Variants in BNC2 observed in about 807,000 individuals in gnomAD.
BNC2 encodes zinc finger protein basonuclin-2.
In BNC2, 20 loss-of-function variants were observed where a neutral mutation model predicts 76.3. The observed-to-expected ratio is 0.26, with a 90% CI of 0.18 to 0.38. The LOEUF is 0.38. Ranked by LOEUF, BNC2 falls within the 10% of genes least tolerant of loss-of-function variation. BNC2 has a pLI of 1.00. For synonymous variants in BNC2, 582 were observed against 514.8 expected (o/e 1.13, Z -1.77); for missense variants, 1,382 against 1,399.8 (o/e 0.99, Z 0.20).
chr9:16,780,021 G>C (rs899228667), intron 1 of BNC2, among the ~76,000 whole-genome samples: 2 of 151,736 alleles, frequency 1.3e-5, no homozygotes, highest in African/African-American at 4.8e-5. Flanking sequence ...CGGATCACAA[G>C]GTCAGCAGAT....
intron 3 of BNC2, among the ~76,000 whole-genome samples, chr9:16,605,745 T>C (rs1820364920): frequency 6.6e-6 from 1 of 151,750 alleles, no homozygotes. Context: ...TGTGATATAA[T>C]TAGTGATAAC....
chr9:16,859,646 C>G (rs1819347202), intron 1 of BNC2, among the ~76,000 whole-genome samples: 1 of 152,288 alleles, frequency 6.6e-6, no homozygotes, highest in Non-Finnish European at 1.5e-5. Flanking sequence ...TATGAGGCAT[C>G]TAAAGTAGGC....
rs1195936897 is a variant in BNC2, at chr9:16,707,246, A to G, written c.330+20551T>C. On this transcript the variant is annotated intron_variant, in intron 3 of 6. Coordinates refer to ENST00000380672, the MANE Select transcript of BNC2 (RefSeq NM_017637.6). ...AGCAATAGACATTTGATTTTTTTCA[A>G]GTAATCTGATTTATTATCAATGTGC... 9.9e-5 allele frequency among the ~76,000 whole-genome samples: 15 copies of G among 151,446 alleles called. No homozygotes were observed. In the South Asian group the frequency reaches 1.7e-3, roughly 17 times the overall value.
chr9:16,752,129 T>C (rs1232555243), intron 1 of BNC2, among the ~76,000 whole-genome samples: 6 of 152,214 alleles, frequency 3.9e-5, no homozygotes. Context: ...TTTAAGAAAT[T>C]ACGTCTTTTA....
intron 5 of BNC2, among the ~76,000 whole-genome samples, chr9:16,502,082 T>TG (rs945150335): frequency 3.3e-5 from 5 of 151,666 alleles, no homozygotes; most frequent in African/African-American, 1.2e-4. Flanking sequence ...ATGGAAGGAG[T>TG]GGGGGTCTAG....
chr9:16,683,784 A>G (rs1165195828), intron 3 of BNC2, among the ~76,000 whole-genome samples: 1 of 152,224 alleles, frequency 6.6e-6, no homozygotes, highest in East Asian at 1.9e-4. Flanking sequence ...AAGGCAGAAG[A>G]AAAAGAAGAG....
At chr9:16,638,084 T>A (rs2133819194) in intron 3 of BNC2, among the ~76,000 whole-genome samples, 1 of 152,330 alleles carries the variant, frequency 6.6e-6, no homozygotes, top group East Asian at 1.9e-4. Flanking sequence ...TGCTTCAAGC[T>A]AAATTTCTGG....
intron 3 of BNC2, among the ~76,000 whole-genome samples, chr9:16,603,626 G>C (rs999854973): frequency 7.9e-5 from 12 of 152,094 alleles, no homozygotes; most frequent in African/African-American, 2.4e-4. Flanking sequence ...CATCCTTTCT[G>C]GTCTAAGATG....
chr9:16,597,679 A>G lies in BNC2; in HGVS notation c.331-14594T>C, dbSNP rs113107478. ...TGGACACAAATAGACATATATTTAG[A>G]TATTTGTTTTACACATGAGAAGGCA... On this transcript the variant is annotated intron_variant, in intron 3 of 6. Transcript: ENST00000380672. Among the ~76,000 whole-genome samples the G allele has an allele frequency of 5.3e-5, 8 of 152,262 alleles. 1 individual carries two copies. The highest frequency in any genetic ancestry group is 1.9e-4 in the African/African-American group (8 of 41,568).
chr9:16,590,426 C>T (rs1475966359), intron 3 of BNC2, among the ~76,000 whole-genome samples: 1 of 151,826 alleles, frequency 6.6e-6, no homozygotes, highest in East Asian at 2.0e-4. Flanking sequence ...TTCTTGACCT[C>T]ATGTGATCCA....
chr9:16,748,089 G>C (rs767724755), intron 1 of BNC2, among the ~76,000 whole-genome samples: 4 of 152,198 alleles, frequency 2.6e-5, no homozygotes, highest in Non-Finnish European at 4.4e-5. Flanking sequence ...ATGCAGAACA[G>C]TAAATACTGT....
intron 3 of BNC2, among the ~76,000 whole-genome samples, chr9:16,651,334 C>T (rs528139893): frequency 2.0e-5 from 3 of 152,308 alleles, no homozygotes; most frequent in Non-Finnish European, 4.4e-5. Context: ...ATCATCTTAA[C>T]CTTAGATTTC....
At chr9:16,630,079 G>C (rs1821117874) in intron 3 of BNC2, among the ~76,000 whole-genome samples, 2 of 152,222 alleles carry the variant, frequency 1.3e-5, no homozygotes, top group South Asian at 4.1e-4. Flanking sequence ...TAAAAGAAAT[G>C]CAGTATCTGC....
chr9:16,848,822 T>G (rs1819055003), intron 1 of BNC2, among the ~76,000 whole-genome samples: 3 of 152,306 alleles, frequency 2.0e-5, no homozygotes, highest in South Asian at 2.1e-4. Flanking sequence ...ATGTCCTAAG[T>G]GGAAAATTCC....
intron 3 of BNC2, among the ~76,000 whole-genome samples, chr9:16,697,239 T>G (rs1347826574): frequency 2.0e-5 from 3 of 152,096 alleles, no homozygotes; most frequent in Non-Finnish European, 4.4e-5. Context: ...GTGCCCGTAG[T>G]CCCAGCTACT....
At chr9:16,776,011 G>A (rs1270275310) in intron 1 of BNC2, among the ~76,000 whole-genome samples, 3 of 152,138 alleles carry the variant, frequency 2.0e-5, no homozygotes, top group South Asian at 2.1e-4. Context: ...ACTGAGACCA[G>A]AAGTGGAACC....
At chr9:16,655,663 T>C (rs1435166270) in intron 3 of BNC2, among the ~76,000 whole-genome samples, 2 of 152,218 alleles carry the variant, frequency 1.3e-5, no homozygotes, top group African/African-American at 4.8e-5. Flanking sequence ...ACAAAAGATA[T>C]TATACAACTT....
chr9:16,483,887 G>C (rs1162835011), intron 5 of BNC2, among the ~76,000 whole-genome samples: 2 of 152,118 alleles, frequency 1.3e-5, no homozygotes, highest in Admixed American at 1.3e-4. Flanking sequence ...CTGTCCTAAA[G>C]CTTTTCTTTG....
intron 6 of BNC2, among the ~76,000 whole-genome samples, chr9:16,420,792 G>T (rs977485656): frequency 2.6e-5 from 4 of 151,964 alleles, no homozygotes; most frequent in African/African-American, 9.7e-5. Context: ...TCATCTATCT[G>T]GAAACATTGT....
Sources: allele counts gnomAD v4.1 joint callset (sites outside exome capture counted in the v4.1 genomes callset), GRCh38; gene constraint gnomAD v4.1.1; transcripts MANE v1.5; gene names NCBI Gene and HGNC (gene_info 2026-07-23, HGNC 2026-07-21).